The following SOS2 variants were observed in gnomAD, a reference collection of about 807,000 sequenced individuals.
The protein encoded by SOS2 is SOS Ras/Rho guanine nucleotide exchange factor 2, also known as son of sevenless homolog 2.
In SOS2, 65 loss-of-function variants were observed where a neutral mutation model predicts 148.2. The ratio of observed to expected loss-of-function variants is 0.44; its 90% CI spans 0.36 to 0.54. SOS2 has a LOEUF of 0.54. Ranked by LOEUF, SOS2 falls within the 20% of genes least tolerant of loss-of-function variation. The probability of loss-of-function intolerance (pLI) is 0.00; values close to 1 mark genes in which losing one functional copy is unlikely to be tolerated. For missense variants in SOS2, 1,341 were observed against 1,590.2 expected, an observed-to-expected ratio of 0.84 and a Z score of 2.67; for synonymous variants, 539 against 537.1, an observed-to-expected ratio of 1.00 and a Z score of -0.05.
rs985563711 is a variant in SOS2, at chr14:50,226,935, C to T, written c.87+4262G>A. Among the ~76,000 whole-genome samples, 5 of 152,270 alleles carry T rather than the reference C, an allele frequency of 3.3e-5. No individual in the cohort carries two copies. In the South Asian group the frequency reaches 6.2e-4, roughly 19 times the overall value. On this transcript the variant is annotated intron_variant, in intron 1 of 22. Coordinates refer to ENST00000216373, the MANE Select transcript of SOS2 (RefSeq NM_006939.4). The stretch of plus-strand genomic sequence containing the variant: ...ATAAACTGCATTTACAAATATACAC[C>T]ATGCTCTTTTTTCCCCAAGTAACAC...
chr14:50,127,648 C>T (rs1002048299), intron 21 of SOS2, among the ~76,000 whole-genome samples: 9 of 152,146 alleles, frequency 5.9e-5, no homozygotes, highest in Non-Finnish European at 5.9e-5. Flanking sequence ...TCATTTAAGG[C>T]TCTGTATATT....
At chr14:50,143,160 T>C (rs946540352) in intron 16 of SOS2, among the ~76,000 whole-genome samples, 2 of 151,952 alleles carry the variant, frequency 1.3e-5, no homozygotes, top group African/African-American at 4.8e-5. Flanking sequence ...GAAAAATCCA[T>C]ATAAATGAAT....
At chr14:50,184,246 G>A (rs114207071) in intron 5 of SOS2, among the ~76,000 whole-genome samples, 2,071 of 152,130 alleles carry the variant, frequency 0.014, 42 homozygotes, top group African/African-American at 0.046. Context: ...TGACCATCCC[G>A]GTTATGGCCA....
chr14:50,168,901 T>G (rs1368503257), intron 8 of SOS2, among the ~76,000 whole-genome samples: 2 of 152,234 alleles, frequency 1.3e-5, no homozygotes, highest in Non-Finnish European at 2.9e-5. Context: ...TTGGATTTAG[T>G]GTTTAAATAT....
intron 13 of SOS2, 93 bp downstream of exon 13, chr14:50,152,972 AAAAAG>A (rs1884708640): frequency 1.6e-6 from 1 of 642,766 alleles, no homozygotes. Flanking sequence ...TTCAAAAAAA[AAAAAG>A]AGAGAGAAAT....
At chr14:50,226,240 C>T (rs951983420) in intron 1 of SOS2, among the ~76,000 whole-genome samples, 1 of 152,154 alleles carries the variant, frequency 6.6e-6, no homozygotes, top group Non-Finnish European at 1.5e-5. Context: ...CCCAGGAGTT[C>T]AAGACCAGCC....
chr14:50,219,045 G>A (rs867575155), intron 1 of SOS2, among the ~76,000 whole-genome samples: 5 of 151,848 alleles, frequency 3.3e-5, no homozygotes, highest in Non-Finnish European at 5.9e-5. Context: ...CCCGGGAAGC[G>A]GAGGTTGCTG....
chr14:50,138,821 T>C (rs1369553632), intron 17 of SOS2, 37 bp from the exon 18 acceptor site: 3 of 731,538 alleles, frequency 4.1e-6, no homozygotes, highest in East Asian at 5.9e-5. Context: ...AGAAAAGTTA[T>C]TTTAAATTTT....
intron 1 of SOS2, among the ~76,000 whole-genome samples, chr14:50,227,416 G>C (rs537956205): frequency 7.1e-6 from 1 of 140,780 alleles, no homozygotes; most frequent in African/African-American, 2.7e-5. Context: ...GCTAATTTTG[G>C]TATTTTTTTT....
chr14:50,213,660 G>C (rs1264095164), intron 1 of SOS2, among the ~76,000 whole-genome samples: 3 of 151,878 alleles, frequency 2.0e-5, no homozygotes, highest in Non-Finnish European at 4.4e-5. Context: ...GACAGAGTGA[G>C]ACCCTGTCCC....
intron 5 of SOS2, among the ~76,000 whole-genome samples, chr14:50,186,940 G>A (rs138637340): frequency 0.021 from 3,164 of 152,304 alleles, 75 homozygotes; most frequent in Non-Finnish European, 0.026. Flanking sequence ...GTGTCTGAGT[G>A]TCACTCTTAT....
At chr14:50,210,018 T>C (rs1886815228) in intron 1 of SOS2, among the ~76,000 whole-genome samples, 1 of 152,154 alleles carries the variant, frequency 6.6e-6, no homozygotes. Context: ...GCCAAGATAA[T>C]TTCAACATGT....
rs150418854 is a variant in SOS2, at chr14:50,132,152, A to G, written c.3076-1390T>C. Among the ~76,000 whole-genome samples the G allele has an allele frequency of 2.0e-5, 3 of 152,226 alleles. No individual in the cohort carries two copies. In the East Asian group the frequency reaches 5.8e-4, roughly 29 times the overall value. On this transcript the variant is annotated intron_variant, in intron 19 of 22. Transcript: ENST00000216373. ...GGTTTCCCAGTATCATCCTGAAGAC[A>G]AAGCACAATCAAAGCAATGGCTACC...
rs2139709536 is a variant in SOS2 at position 50,182,443 on chromosome 14, A to G, written c.858+20T>C. ...GCATTTAGGGCTTTAATGAGAATATAAGTAGTTTTGTAAACTTACTTCTGC... is the reference window on the plus strand; with the variant it reads ...GCATTTAGGGCTTTAATGAGAATATGAGTAGTTTTGTAAACTTACTTCTGC... On this transcript the variant is annotated intron_variant, in intron 6 of 22. Coordinates refer to ENST00000216373, the MANE Select transcript of SOS2 (RefSeq NM_006939.4). 1.2e-6 allele frequency: 2 copies of G among 1,610,486 alleles called. No individual in the cohort carries two copies. The highest frequency in any genetic ancestry group is 2.2e-5 in the East Asian group (1 of 44,840).
chr14:50,138,732 TA>T lies in SOS2; in HGVS notation c.2837del (p.Leu946Ter). 1 of 1,236,260 alleles carries T rather than the reference TA, an allele frequency of 8.1e-7. No homozygotes were observed. The allele number at this position is 1,236,260 out of a possible 1,614,324, so 76.6% of individuals were successfully genotyped here. On this transcript the variant is annotated frameshift_variant, in exon 18 of 23. Coordinates refer to ENST00000216373, the MANE Select transcript of SOS2 (RefSeq NM_006939.4). LOFTEE classifies it high-confidence loss of function. ...LKTEEGNNDF[L>X]KKKGKDLINF... ...TGATTAAATCTTTCCCTTTCTTTTT[TA>T]AAAAATCATTATTCCCTTCTTCGGT...
At chr14:50,195,214 G>A (rs764350) in intron 4 of SOS2, among the ~76,000 whole-genome samples, 85,277 of 151,982 alleles carry the variant, frequency 0.56, 25,178 homozygotes, top group African/African-American at 0.73. Flanking sequence ...ACAGAGTAAC[G>A]TGGTGCCAAA....
chr14:50,175,930 A>G (rs1885508937), intron 7 of SOS2, among the ~76,000 whole-genome samples: 1 of 152,252 alleles, frequency 6.6e-6, no homozygotes, highest in African/African-American at 2.4e-5. Context: ...ACTAGGATAC[A>G]CAAAAAGTGC....
At chr14:50,218,112 A>T (rs1282744880) in intron 1 of SOS2, among the ~76,000 whole-genome samples, 1 of 151,230 alleles carries the variant, frequency 6.6e-6, no homozygotes, top group African/African-American at 2.4e-5. Context: ...AGCCTAGGCA[A>T]CACAGCAAGA....
intron 8 of SOS2, among the ~76,000 whole-genome samples, chr14:50,170,169 G>A (rs1181528772): frequency 2.7e-5 from 4 of 150,822 alleles, no homozygotes; most frequent in Non-Finnish European, 5.9e-5. Flanking sequence ...CTGGGCTCAA[G>A]TGACCTTCTC....
Sources: gnomAD v4.1 joint callset for allele counts (sites outside exome capture counted in the v4.1 genomes callset) on GRCh38, gnomAD v4.1.1 for gene constraint, MANE v1.5 for transcripts, NCBI Gene and HGNC (gene_info 2026-07-23, HGNC 2026-07-21) for gene names.